XIRP2: variants seen among roughly 807,000 people sequenced by gnomAD.
The protein encoded by XIRP2 is xin actin-binding repeat-containing protein 2.
Under a neutral mutation model 277.0 loss-of-function variants are expected in XIRP2, and 236 were observed. That is an observed-to-expected ratio of 0.85 (90% CI 0.77 to 0.95). The LOEUF is 0.95. Ranked by LOEUF, XIRP2 falls within the 40% of genes least tolerant of loss-of-function variation. The pLI, the probability that XIRP2 is intolerant of heterozygous loss-of-function variation, is 0.00. For synonymous variants in XIRP2, 1,490 were observed against 1,416.5 expected (o/e 1.05, Z -1.17); for missense variants, 4,640 against 4,157.5 (o/e 1.12, Z -3.19).
chr2:167,055,828 C>T lies in XIRP2; in HGVS notation c.409-80081C>T, dbSNP rs546403546. 2.6e-5 allele frequency among the ~76,000 whole-genome samples: 4 copies of T among 152,212 alleles called. 1 individual carries two copies. In the South Asian group the frequency reaches 8.3e-4, roughly 32 times the overall value. The stretch of plus-strand genomic sequence containing the variant: ...TTCATCTTTTTGCTCTCCATTTATG[C>T]ATTTTGTAGAGGGATAGCATAAAAT... On this transcript the variant is annotated intron_variant, in intron 2 of 10. Transcript: ENST00000409195.
At chr2:167,121,326 T>C (rs781006216) in intron 2 of XIRP2, among the ~76,000 whole-genome samples, 6 of 152,192 alleles carry the variant, frequency 3.9e-5, no homozygotes, top group Non-Finnish European at 8.8e-5. Flanking sequence ...AATACAGTAA[T>C]TCATTTTTAG....
At chr2:167,052,661 A>G (rs1341290015) in intron 2 of XIRP2, among the ~76,000 whole-genome samples, 1 of 152,192 alleles carries the variant, frequency 6.6e-6, no homozygotes, top group African/African-American at 2.4e-5. Context: ...GATTATAATA[A>G]ATTTGTACTG....
intron 2 of XIRP2, among the ~76,000 whole-genome samples, chr2:167,093,674 C>A (rs1260902335): frequency 3.3e-5 from 5 of 152,058 alleles, no homozygotes; most frequent in Non-Finnish European, 7.3e-5. Flanking sequence ...GCATGGTATT[C>A]CATGGTGTAT....
intron 2 of XIRP2, among the ~76,000 whole-genome samples, chr2:167,040,617 C>T (rs1021459067): frequency 6.6e-6 from 1 of 152,150 alleles, no homozygotes; most frequent in African/African-American, 2.4e-5. Context: ...GGGAACACAT[C>T]CCAAAGGCTT....
intron 2 of XIRP2, among the ~76,000 whole-genome samples, chr2:166,949,356 A>G (rs1685968486): frequency 6.6e-6 from 1 of 152,086 alleles, no homozygotes; most frequent in African/African-American, 2.4e-5. Flanking sequence ...TTAAAATGCA[A>G]CAATAATGAT....
Position 167,247,476 on chromosome 2 carries a change from T to C in XIRP2, c.6084T>C (p.Ile2028=). 1 of 1,613,726 alleles carries C rather than the reference T, an allele frequency of 6.2e-7. No homozygotes were observed. The highest frequency in any genetic ancestry group is 8.5e-7 in the Non-Finnish European group (1 of 1,179,788). Residue 2028 remains isoleucine (I), a synonymous_variant, in exon 9 of 11, where the codon ATT becomes ATC. Transcript: ENST00000409195. ...AAGCCCCCAAAGGCACTGTAAAGAT[T>C]GTCATAGATCGTGAACAAAACAATG... The part of the protein sequence containing the change: ...LPKAPKGTVK[I]VIDREQNNDA...
intron 2 of XIRP2, among the ~76,000 whole-genome samples, chr2:166,969,973 A>G (rs564200888): frequency 2.6e-5 from 4 of 152,136 alleles, no homozygotes; most frequent in Admixed American, 1.3e-4. Context: ...TTCATGAACC[A>G]TTAGCATTCG....
At chr2:167,147,548 A>G (rs1328659248) in intron 3 of XIRP2, among the ~76,000 whole-genome samples, 1 of 151,994 alleles carries the variant, frequency 6.6e-6, no homozygotes, top group Non-Finnish European at 1.5e-5. Context: ...TGTGTGAACA[A>G]CCTCCAGCAA....
chr2:167,080,347 T>A (rs1030009003), intron 2 of XIRP2, among the ~76,000 whole-genome samples: 2 of 152,202 alleles, frequency 1.3e-5, no homozygotes, highest in Non-Finnish European at 2.9e-5. Context: ...TAAAACAGGA[T>A]GCTTAAATTG....
chr2:167,062,163 A>G (rs1689187939), intron 2 of XIRP2, among the ~76,000 whole-genome samples: 1 of 152,166 alleles, frequency 6.6e-6, no homozygotes, highest in Non-Finnish European at 1.5e-5. Context: ...TGGTATGTCA[A>G]TTGTGTGCAT....
In XIRP2 at chr2:167,057,494, C is replaced by T. The variant is rs139657498; in HGVS notation, c.409-78415C>T. On this transcript the variant is annotated intron_variant, in intron 2 of 10. Coordinates refer to ENST00000409195, the MANE Select transcript of XIRP2 (RefSeq NM_152381.6). ...GAGGTCCGGAAACACTTGGGTTACACATGCACCTTAACACAGGATAGCAAG... is the reference window on the plus strand; with the variant it reads ...GAGGTCCGGAAACACTTGGGTTACATATGCACCTTAACACAGGATAGCAAG... Among the ~76,000 whole-genome samples the T allele has an allele frequency of 2.3e-3, 345 of 152,288 alleles. 4 individuals carry two copies. Among genetic ancestry groups the T allele is most frequent in the African/African-American group, 7.8e-3 (326 of 41,566 alleles).
intron 2 of XIRP2, among the ~76,000 whole-genome samples, chr2:166,913,852 G>T (rs1190587638): frequency 6.6e-6 from 1 of 152,120 alleles, no homozygotes; most frequent in Non-Finnish European, 1.5e-5. Context: ...AACAGTAGAA[G>T]GATCCAAGTT....
At chr2:166,922,248 C>T (rs1040242201) in intron 2 of XIRP2, among the ~76,000 whole-genome samples, 8 of 150,790 alleles carry the variant, frequency 5.3e-5, no homozygotes, top group Non-Finnish European at 8.9e-5. Context: ...TCACGAACTG[C>T]ACATCTACAC....
intron 2 of XIRP2, among the ~76,000 whole-genome samples, chr2:167,110,972 T>G (rs1049592952): frequency 6.6e-6 from 1 of 152,128 alleles, no homozygotes; most frequent in African/African-American, 2.4e-5. Flanking sequence ...GCTCTAGGCT[T>G]GGATGTTGTT....
At chr2:166,929,771 T>C (rs966570298) in intron 2 of XIRP2, among the ~76,000 whole-genome samples, 1 of 152,174 alleles carries the variant, frequency 6.6e-6, no homozygotes, top group Non-Finnish European at 1.5e-5. Flanking sequence ...TACTTGGAGA[T>C]GTGCTTGTTT....
chr2:167,043,312 A>C (rs1156480916), intron 2 of XIRP2, among the ~76,000 whole-genome samples: 1 of 152,152 alleles, frequency 6.6e-6, no homozygotes, highest in East Asian at 1.9e-4. Context: ...AGGTAACAGG[A>C]GGAAAGAAAT....
At chr2:167,016,916 G>C (rs1044515022) in intron 2 of XIRP2, among the ~76,000 whole-genome samples, 8 of 151,930 alleles carry the variant, frequency 5.3e-5, no homozygotes, top group Non-Finnish European at 8.8e-5. Context: ...CTTATATCAT[G>C]CTTTTTCACT....
chr2:167,154,383 C>T (rs1048781534), intron 3 of XIRP2, among the ~76,000 whole-genome samples: 1 of 151,406 alleles, frequency 6.6e-6, no homozygotes, highest in Non-Finnish European at 1.5e-5. Context: ...AAGGTAGTTT[C>T]TTTTGCTGTG....
In XIRP2 at chr2:167,054,683, C is replaced by CAA. The variant is rs5836129; in HGVS notation, c.409-81212_409-81211dup. On this transcript the variant is annotated intron_variant, in intron 2 of 10. Coordinates refer to ENST00000409195, the MANE Select transcript of XIRP2 (RefSeq NM_152381.6). ...TGGGCAACAGAGTGAGACTCAGTCG[C>CAA]AAAAAAAAAAAAAAAGGAAAAGGAA... 3.1e-3 allele frequency among the ~76,000 whole-genome samples: 338 copies of CAA among 108,836 alleles called. 1 individual carries two copies. In the South Asian group the frequency reaches 0.038, roughly 12 times the overall value. 71.4% of individuals were successfully genotyped at this position (108,836 alleles called of 152,430 possible). A position where few individuals can be genotyped will look rare whatever the true frequency, so the allele number is the denominator to read the frequency against.
Sources: allele counts gnomAD v4.1 joint callset (sites outside exome capture counted in the v4.1 genomes callset), GRCh38; gene constraint gnomAD v4.1.1; transcripts MANE v1.5; gene names NCBI Gene and HGNC (gene_info 2026-07-23, HGNC 2026-07-21).